Variants in FARP1 observed in about 807,000 individuals in gnomAD.
The protein encoded by FARP1 is FERM, ARHGEF and pleckstrin domain-containing protein 1.
FARP1 carries 52 observed loss-of-function variants against 128.8 expected under a neutral mutation model. The observed-to-expected ratio is 0.40, with a 90% CI of 0.32 to 0.51. The LOEUF is 0.51. Among genes scored for constraint, FARP1 ranks in the 20% least tolerant of loss-of-function variants. The probability of loss-of-function intolerance (pLI) is 0.45; values close to 1 mark genes in which losing one functional copy is unlikely to be tolerated. For synonymous variants in FARP1, 580 were observed against 551.8 expected (o/e 1.05, Z -0.72); for missense variants, 1,333 against 1,367.9 (o/e 0.97, Z 0.40).
chr13:98,453,404 A>G lies in FARP1; in HGVS notation c.*5087A>G, dbSNP rs1893293881. 5.0e-6 allele frequency: 3 copies of G among 597,726 alleles called. No individual in the cohort carries two copies. The highest frequency in any genetic ancestry group is 3.4e-5 in the Admixed American group (1 of 29,188). The allele number at this position is 597,726 out of a possible 1,614,324, so 37.0% of individuals were successfully genotyped here. A position where few individuals can be genotyped will look rare whatever the true frequency, so the allele number is the denominator to read the frequency against. On this transcript the variant is annotated 3_prime_UTR_variant, in exon 27 of 27. Coordinates refer to ENST00000319562, the MANE Select transcript of FARP1 (RefSeq NM_005766.4). ...CTGAGAAGATCATGATTCTTACACA[A>G]AAACTCCAGAGCATGTCACCAAAAA...
chr13:98,388,653 T>G (rs1566944229), intron 9 of FARP1, among the ~76,000 whole-genome samples, 175 bp downstream of exon 9: 1 of 152,196 alleles, frequency 6.6e-6, no homozygotes, highest in Non-Finnish European at 1.5e-5. Context: ...AAATGGTCGG[T>G]AACTCTACGG....
In FARP1 at chr13:98,395,342, G is replaced by C; in HGVS notation, c.1280G>C (p.Ser427Thr). ...GCCGGGGAGCCGGGGTCGCACCCGAGCCCTGCGCCGAGGAGAAGCCCCGCG... is the reference window on the plus strand; with the variant it reads ...GCCGGGGAGCCGGGGTCGCACCCGACCCCTGCGCCGAGGAGAAGCCCCGCG... ...VSAGEPGSHP[S>T]PAPRRSPAGN... Residue 427 changes from serine to threonine, a missense_variant, in exon 13 of 27, where the codon AGC becomes ACC. By Grantham distance (58) the Ser-to-Thr change is moderately conservative (BLOSUM62 1). Coordinates refer to ENST00000319562, the MANE Select transcript of FARP1 (RefSeq NM_005766.4). 6.2e-7 allele frequency: 1 copy of C among 1,611,416 alleles called. No homozygotes were observed. The highest frequency in any genetic ancestry group is 8.5e-7 in the Non-Finnish European group (1 of 1,178,680).
chr13:98,317,465 G>A (rs933629689), intron 2 of FARP1, among the ~76,000 whole-genome samples: 12 of 152,164 alleles, frequency 7.9e-5, no homozygotes, highest in Admixed American at 2.0e-4. Flanking sequence ...GTTTTGAACC[G>A]GAGGCATTGA....
At chr13:98,326,911 T>C (rs1887260808) in intron 2 of FARP1, among the ~76,000 whole-genome samples, 1 of 152,262 alleles carries the variant, frequency 6.6e-6, no homozygotes, top group African/African-American at 2.4e-5. Flanking sequence ...GTTTTAAAAA[T>C]GTGCTTATTG....
At chr13:98,277,928 AGG>A in intron 2 of FARP1, among the ~76,000 whole-genome samples, 2 of 152,252 alleles carry the variant, frequency 1.3e-5, no homozygotes, top group South Asian at 2.1e-4. Context: ...TTGTGCAGCG[AGG>A]GTCAAAATCT....
chr13:98,230,802 G>A (rs778584505), intron 2 of FARP1, among the ~76,000 whole-genome samples: 6 of 152,222 alleles, frequency 3.9e-5, no homozygotes, highest in Admixed American at 1.3e-4. Context: ...AAGCCATGCA[G>A]TTAGCAGGTG....
At chr13:98,284,165 T>C (rs1376745974) in intron 2 of FARP1, among the ~76,000 whole-genome samples, 2 of 152,096 alleles carry the variant, frequency 1.3e-5, no homozygotes, top group African/African-American at 4.8e-5. Flanking sequence ...CTTAAAACAT[T>C]ATGAGACTTT....
At chr13:98,369,007 C>T (rs570800845) in intron 5 of FARP1, among the ~76,000 whole-genome samples, 1 of 151,312 alleles carries the variant, frequency 6.6e-6, no homozygotes, top group African/African-American at 2.4e-5. Context: ...CTCACTGCAA[C>T]CTCTGCCTCC....
intron 1 of FARP1, among the ~76,000 whole-genome samples, chr13:98,193,043 C>G (rs1218650751): frequency 1.3e-5 from 2 of 151,514 alleles, no homozygotes; most frequent in East Asian, 1.9e-4. Context: ...TGCCAATTAC[C>G]AGACAACCAG....
intron 2 of FARP1, among the ~76,000 whole-genome samples, chr13:98,280,922 A>T (rs1391166127): frequency 4.6e-5 from 7 of 152,198 alleles, no homozygotes; most frequent in Admixed American, 1.3e-4. Context: ...TTTTGTTAGG[A>T]GTGAATTTTT....
intron 6 of FARP1, among the ~76,000 whole-genome samples, chr13:98,378,589 G>A (rs1368941390): frequency 6.6e-6 from 1 of 152,006 alleles, no homozygotes; most frequent in Non-Finnish European, 1.5e-5. Flanking sequence ...GGAAAGTTGT[G>A]CTATCATATC....
chr13:98,219,753 C>T (rs1881302792), intron 2 of FARP1, among the ~76,000 whole-genome samples: 2 of 152,196 alleles, frequency 1.3e-5, no homozygotes, highest in South Asian at 4.1e-4. Context: ...GCCGCCTTGA[C>T]CTTCTGGGCT....
intron 13 of FARP1, chr13:98,403,176 C>G (rs2306441): frequency 0.42 from 64,009 of 151,580 alleles, 14,872 homozygotes; most frequent in Non-Finnish European, 0.53. Context: ...CCCCAAAGTG[C>G]AAGCTTTCAT....
intron 2 of FARP1, among the ~76,000 whole-genome samples, chr13:98,300,149 T>C (rs1250768156): frequency 6.6e-6 from 1 of 152,188 alleles, no homozygotes; most frequent in East Asian, 1.9e-4. Context: ...GCACTGTATC[T>C]AGATTAAGAT....
intron 2 of FARP1, among the ~76,000 whole-genome samples, chr13:98,268,513 G>C (rs1250339977): frequency 6.6e-6 from 1 of 152,060 alleles, no homozygotes; most frequent in Non-Finnish European, 1.5e-5. Context: ...TGTCACCCAG[G>C]CTGGAGTGCA....
intron 2 of FARP1, among the ~76,000 whole-genome samples, chr13:98,298,088 A>G (rs111884157): frequency 0.011 from 1,600 of 152,272 alleles, 20 homozygotes; most frequent in African/African-American, 0.036. Flanking sequence ...GCTGTGTAGG[A>G]CTGTGATGGG....
chr13:98,157,499 C>T (rs1420686472), intron 1 of FARP1, among the ~76,000 whole-genome samples: 2 of 152,164 alleles, frequency 1.3e-5, no homozygotes, highest in East Asian at 1.9e-4. Context: ...CGTCTCCTCC[C>T]GGGTGCCAGC....
rs150675423 is a variant in FARP1 at position 98,284,124 on chromosome 13, G to T, written c.172-59638G>T. ...AACGCCCATGGCCCAGGATGGCTTT[G>T]AATGAGGCCCAACACAAGTTTGTAA... is the stretch of plus-strand genomic sequence containing the variant. On this transcript the variant is annotated intron_variant, in intron 2 of 26. Coordinates refer to ENST00000319562, the MANE Select transcript of FARP1 (RefSeq NM_005766.4). 5.3e-3 allele frequency among the ~76,000 whole-genome samples: 807 copies of T among 152,240 alleles called. 26 individuals are homozygous for T. Among genetic ancestry groups the T allele is most frequent in the Admixed American group, 0.049 (754 of 15,288 alleles).
intron 2 of FARP1, among the ~76,000 whole-genome samples, chr13:98,254,379 A>C (rs1054846681): frequency 3.3e-5 from 5 of 152,204 alleles, no homozygotes; most frequent in African/African-American, 1.2e-4. Flanking sequence ...GTGGATGAGA[A>C]TAGTATCTCT....
Sources: gnomAD v4.1 joint callset for allele counts (sites outside exome capture counted in the v4.1 genomes callset) on GRCh38, gnomAD v4.1.1 for gene constraint, MANE v1.5 for transcripts, NCBI Gene and HGNC (gene_info 2026-07-23, HGNC 2026-07-21) for gene names.